The following VWC2L variants were observed in gnomAD, a reference collection of about 807,000 sequenced individuals.
The protein encoded by VWC2L is von Willebrand factor C domain-containing protein 2-like.
In VWC2L, 10 loss-of-function variants were observed where a neutral mutation model predicts 21.6. That is an observed-to-expected ratio of 0.46 (90% CI 0.29 to 0.78). The LOEUF (loss-of-function observed/expected upper bound fraction) is 0.78, where lower values mean the gene tolerates loss of function less well. Ranked by LOEUF, VWC2L falls within the 30% of genes least tolerant of loss-of-function variation. The probability of loss-of-function intolerance (pLI) is 0.10; values close to 1 mark genes in which losing one functional copy is unlikely to be tolerated. For missense variants in VWC2L, 209 were observed against 277.1 expected, an observed-to-expected ratio of 0.75 and a Z score of 1.74; for synonymous variants, 96 against 94.3, an observed-to-expected ratio of 1.02 and a Z score of -0.10.
intron 3 of VWC2L, among the ~76,000 whole-genome samples, chr2:214,505,433 T>G (rs779906813): frequency 6.6e-6 from 1 of 152,152 alleles, no homozygotes; most frequent in Non-Finnish European, 1.5e-5. Flanking sequence ...TAATCAAGAG[T>G]TGCTGAAATC....
intron 3 of VWC2L, among the ~76,000 whole-genome samples, chr2:214,461,297 T>A (rs572781948): frequency 6.6e-6 from 1 of 152,090 alleles, no homozygotes; most frequent in South Asian, 2.1e-4. Context: ...GTTGAGTAGG[T>A]CCTCATACCC....
intron 3 of VWC2L, among the ~76,000 whole-genome samples, chr2:214,485,877 T>G (rs1363378154): frequency 6.6e-6 from 1 of 152,194 alleles, no homozygotes; most frequent in African/African-American, 2.4e-5. Flanking sequence ...GGGAAAACTT[T>G]AATTTCATAG....
At chr2:214,519,195 T>G (rs764497969) in intron 3 of VWC2L, among the ~76,000 whole-genome samples, 1 of 152,214 alleles carries the variant, frequency 6.6e-6, no homozygotes, top group Non-Finnish European at 1.5e-5. Context: ...AAGCCTGTTC[T>G]TTTTCAGAAC....
intron 3 of VWC2L, among the ~76,000 whole-genome samples, chr2:214,552,731 A>AGAG (rs1321118300): frequency 1.3e-5 from 2 of 152,098 alleles, no homozygotes; most frequent in African/African-American, 2.4e-5. Context: ...TCTTCATAGG[A>AGAG]ATCCACTTTC....
At chr2:214,522,037 A>G (rs189365200) in intron 3 of VWC2L, among the ~76,000 whole-genome samples, 16 of 152,350 alleles carry the variant, frequency 1.1e-4, no homozygotes, top group African/African-American at 3.4e-4. Context: ...CTTCATTACG[A>G]AAGTCCAGAT....
chr2:214,536,220 G>A (rs1282841571), intron 3 of VWC2L, among the ~76,000 whole-genome samples: 1 of 152,056 alleles, frequency 6.6e-6, no homozygotes, highest in African/African-American at 2.4e-5. Context: ...ACACACACTT[G>A]CTGAATGCCT....
At chr2:214,444,656 G>T (rs1231275464) in intron 3 of VWC2L, among the ~76,000 whole-genome samples, 1 of 151,912 alleles carries the variant, frequency 6.6e-6, no homozygotes, top group East Asian at 1.9e-4. Context: ...ATATAAAGAT[G>T]TAATTTTAAC....
intron 3 of VWC2L, among the ~76,000 whole-genome samples, chr2:214,570,514 C>A (rs1690134548): frequency 6.6e-6 from 1 of 152,072 alleles, no homozygotes; most frequent in Admixed American, 6.6e-5. Flanking sequence ...CAGGGGTGCA[C>A]CACCATGCCC....
At chr2:214,419,640 CCCTGCTGACA>C (rs1245432665) in intron 2 of VWC2L, among the ~76,000 whole-genome samples, 6 of 152,158 alleles carry the variant, frequency 3.9e-5, no homozygotes, top group African/African-American at 1.4e-4. Flanking sequence ...AAGATCAGTG[CCCTGCTGACA>C]CTGACCTTTG....
intron 2 of VWC2L, chr2:214,436,418 G>C (rs955225864): frequency 1.9e-6 from 1 of 523,200 alleles, no homozygotes; most frequent in Non-Finnish European, 3.4e-6. Flanking sequence ...TGCTTTTCTT[G>C]TTCACAGCAA....
At chr2:214,427,802 T>C (rs537154839) in intron 2 of VWC2L, among the ~76,000 whole-genome samples, 43 of 152,194 alleles carry the variant, frequency 2.8e-4, no homozygotes, top group Non-Finnish European at 5.1e-4. Context: ...TACTTATAAT[T>C]TCAAATACAA....
At chr2:214,435,403 T>C (rs773482243) in intron 2 of VWC2L, among the ~76,000 whole-genome samples, 12 of 152,186 alleles carry the variant, frequency 7.9e-5, no homozygotes, top group Non-Finnish European at 1.8e-4. Flanking sequence ...TCATACTAAA[T>C]TTGAAAGCAA....
intron 2 of VWC2L, among the ~76,000 whole-genome samples, chr2:214,428,097 T>G (rs1702551899): frequency 6.6e-6 from 1 of 152,222 alleles, no homozygotes; most frequent in African/African-American, 2.4e-5. Context: ...ACACAGCCAT[T>G]GCAAATGGAC....
intron 3 of VWC2L, among the ~76,000 whole-genome samples, chr2:214,531,566 G>A (rs1340371744): frequency 2.6e-5 from 4 of 152,084 alleles, no homozygotes; most frequent in African/African-American, 9.7e-5. Flanking sequence ...TTCAGGGAGG[G>A]TAAGCTCTTC....
chr2:214,466,860 T>C (rs1003187959), intron 3 of VWC2L, among the ~76,000 whole-genome samples: 1 of 152,240 alleles, frequency 6.6e-6, no homozygotes. Context: ...TGTCTGCTTA[T>C]TCTGATATCT....
intron 3 of VWC2L, among the ~76,000 whole-genome samples, chr2:214,563,686 A>G (rs1690017441): frequency 6.6e-6 from 1 of 151,976 alleles, no homozygotes; most frequent in Non-Finnish European, 1.5e-5. Context: ...GAAGGAACAT[A>G]CCTCAAAATA....
At chr2:214,427,505 A>G (rs1362859088) in intron 2 of VWC2L, among the ~76,000 whole-genome samples, 2 of 152,198 alleles carry the variant, frequency 1.3e-5, no homozygotes, top group African/African-American at 4.8e-5. Flanking sequence ...TAAGAATCCA[A>G]TTAACTATCT....
At chr2:214,483,109 TTGAC>T (rs1392656810) in intron 3 of VWC2L, among the ~76,000 whole-genome samples, 2 of 152,166 alleles carry the variant, frequency 1.3e-5, no homozygotes, top group African/African-American at 2.4e-5. Context: ...GACATTCTAA[TTGAC>T]TGGTTGTTTA....
At chr2:214,502,723 G>A (rs1688912134) in intron 3 of VWC2L, among the ~76,000 whole-genome samples, 1 of 152,120 alleles carries the variant, frequency 6.6e-6, no homozygotes, top group East Asian at 1.9e-4. Flanking sequence ...TCTATTTTGT[G>A]TAACACCAGG....
Sources: gnomAD v4.1 joint callset for allele counts (sites outside exome capture counted in the v4.1 genomes callset) on GRCh38, gnomAD v4.1.1 for gene constraint, MANE v1.5 for transcripts, NCBI Gene and HGNC (gene_info 2026-07-23, HGNC 2026-07-21) for gene names.